The following FHIP1A variants were observed in gnomAD, a reference collection of about 807,000 sequenced individuals.
FHIP1A encodes FHF complex subunit HOOK-interacting protein 1A.
In FHIP1A, 61 loss-of-function variants were observed where a neutral mutation model predicts 88.6. That is an observed-to-expected ratio of 0.69 (90% CI 0.56 to 0.85). FHIP1A has a LOEUF of 0.85. FHIP1A is among the 40% of genes least tolerant of loss of function. The pLI is 0.00. For missense variants in FHIP1A, 1,154 were observed against 1,273.5 expected (o/e 0.91, Z 1.43); for synonymous variants, 478 against 496.0 (o/e 0.96, Z 0.48).
chr4:151,630,721 G>A (rs1451866225), intron 8 of FHIP1A, among the ~76,000 whole-genome samples: 3 of 152,168 alleles, frequency 2.0e-5, no homozygotes, highest in Non-Finnish European at 2.9e-5. Context: ...CTCCTCAAAT[G>A]TACATGGAAT....
chr4:151,532,285 A>G (rs771889928), intron 3 of FHIP1A, among the ~76,000 whole-genome samples: 5 of 152,278 alleles, frequency 3.3e-5, no homozygotes, highest in African/African-American at 4.8e-5. Context: ...TTTCTAATCT[A>G]CTTTCATTTG....
chr4:151,596,967 A>T (rs1734671597), intron 7 of FHIP1A, among the ~76,000 whole-genome samples: 1 of 152,106 alleles, frequency 6.6e-6, no homozygotes, highest in South Asian at 2.1e-4. Context: ...ATTGGGTTAA[A>T]ACATGCTTCT....
chr4:151,488,386 T>C (rs1316687655), intron 3 of FHIP1A, among the ~76,000 whole-genome samples: 1 of 152,198 alleles, frequency 6.6e-6, no homozygotes, highest in Non-Finnish European at 1.5e-5. Flanking sequence ...TGAGAACATG[T>C]GGCATTTGGT....
At chr4:151,565,437 T>C (rs939522033) in intron 3 of FHIP1A, among the ~76,000 whole-genome samples, 11 of 152,196 alleles carry the variant, frequency 7.2e-5, no homozygotes, top group African/African-American at 2.7e-4. Flanking sequence ...CACTATCTTG[T>C]TTTTGATGGA....
rs544305498 is a variant in FHIP1A at position 151,479,074 on chromosome 4, G to A, written c.-247-3450G>A. On this transcript the variant is annotated intron_variant, in intron 2 of 13. Coordinates refer to ENST00000435205, the MANE Select transcript of FHIP1A (RefSeq NM_001109977.3). ...CTCAGGGATTGATTGAACAGAAATT[G>A]AAGATTGAAGCTTCATTTGGTTCAA... 1.4e-3 allele frequency among the ~76,000 whole-genome samples: 206 copies of A among 152,204 alleles called. 1 individual carries two copies. The highest frequency in any genetic ancestry group is 4.6e-3 in the African/African-American group (191 of 41,574).
chr4:151,604,848 C>CAA (rs555843721), intron 7 of FHIP1A, among the ~76,000 whole-genome samples: 4 of 127,948 alleles, frequency 3.1e-5, no homozygotes, highest in African/African-American at 8.6e-5. Context: ...GACTCCATCT[C>CAA]AAAAAAAAAA....
chr4:151,665,270 T>C lies in FHIP1A; in HGVS notation c.*2516T>C, dbSNP rs12054502. On this transcript the variant is annotated 3_prime_UTR_variant, in exon 14 of 14. Coordinates refer to ENST00000435205, the MANE Select transcript of FHIP1A (RefSeq NM_001109977.3). ...GGGATTACAGGTGTGAGCCACTGGG[T>C]CCAGCCTGAAGTAGACTTACTTTAA... Among the ~76,000 whole-genome samples, 24,681 of 152,180 alleles carry C rather than the reference T, an allele frequency of 0.16. 2,579 individuals carry two copies. Among genetic ancestry groups the C allele is most frequent in the African/African-American group, 0.3 (12,630 of 41,480 alleles).
chr4:151,585,033 G>A (rs759508339), intron 5 of FHIP1A, among the ~76,000 whole-genome samples: 18 of 152,022 alleles, frequency 1.2e-4, no homozygotes, highest in Admixed American at 7.9e-4. Context: ...TTAATTGCCC[G>A]TTAATCTCTC....
At chr4:151,412,602 T>C (rs555206891) in intron 1 of FHIP1A, among the ~76,000 whole-genome samples, 1,551 of 139,586 alleles carry the variant, frequency 0.011, 32 homozygotes, top group African/African-American at 0.041. Flanking sequence ...CTTCCTTCCT[T>C]CCTTCCTTCC....
chr4:151,464,898 C>T (rs1729257005), intron 2 of FHIP1A, among the ~76,000 whole-genome samples: 1 of 152,006 alleles, frequency 6.6e-6, no homozygotes, highest in Non-Finnish European at 1.5e-5. Flanking sequence ...AGGCATCTTC[C>T]AAAACTTGTT....
intron 3 of FHIP1A, among the ~76,000 whole-genome samples, chr4:151,548,787 T>C (rs549109701): frequency 1.4e-4 from 21 of 152,318 alleles, no homozygotes; most frequent in Admixed American, 1.1e-3. Flanking sequence ...CCAGGCGTGG[T>C]GGCACACGCC....
At chr4:151,422,224 A>AT (rs1554076377) in intron 1 of FHIP1A, among the ~76,000 whole-genome samples, 4,735 of 150,218 alleles carry the variant, frequency 0.032, 249 homozygotes, top group African/African-American at 0.11. Flanking sequence ...ACATTAAAAA[A>AT]ATATATATAT....
At chr4:151,425,663 C>T (rs943344614) in intron 1 of FHIP1A, among the ~76,000 whole-genome samples, 4 of 152,222 alleles carry the variant, frequency 2.6e-5, no homozygotes, top group Middle Eastern at 3.4e-3. Flanking sequence ...TTTATTCTGT[C>T]ATAGTTTTGG....
At chr4:151,416,660 C>T (rs1011030414) in intron 1 of FHIP1A, among the ~76,000 whole-genome samples, 1 of 151,966 alleles carries the variant, frequency 6.6e-6, no homozygotes, top group Non-Finnish European at 1.5e-5. Context: ...AAAAATGTTT[C>T]TTGATTTTCT....
intron 6 of FHIP1A, 117 bp downstream of exon 6, chr4:151,586,916 T>A (rs1325528510): frequency 2.4e-6 from 2 of 825,526 alleles, no homozygotes; most frequent in Non-Finnish European, 3.5e-6. Flanking sequence ...TTATGGAATA[T>A]TGGTGCTTTA....
At chr4:151,445,197 A>G (rs532914959) in intron 1 of FHIP1A, among the ~76,000 whole-genome samples, 8 of 152,318 alleles carry the variant, frequency 5.3e-5, no homozygotes, top group Middle Eastern at 3.4e-3. Context: ...TACAAAGTAT[A>G]TATTAAAGGA....
chr4:151,517,368 G>T (rs1030394771), intron 3 of FHIP1A, among the ~76,000 whole-genome samples: 1 of 151,964 alleles, frequency 6.6e-6, no homozygotes, highest in Non-Finnish European at 1.5e-5. Flanking sequence ...GAGTTAATGG[G>T]TGCAGCACAC....
intron 3 of FHIP1A, among the ~76,000 whole-genome samples, chr4:151,536,911 G>T (rs1054018621): frequency 6.6e-6 from 1 of 151,904 alleles, no homozygotes; most frequent in African/African-American, 2.4e-5. Context: ...GTCTTACTCC[G>T]TTGCCCAGGC....
intron 3 of FHIP1A, among the ~76,000 whole-genome samples, chr4:151,536,911 G>A (rs1054018621): frequency 9.9e-5 from 15 of 152,022 alleles, no homozygotes; most frequent in South Asian, 4.2e-4. Context: ...GTCTTACTCC[G>A]TTGCCCAGGC....
Sources: gnomAD v4.1 joint callset for allele counts (sites outside exome capture counted in the v4.1 genomes callset) on GRCh38, gnomAD v4.1.1 for gene constraint, MANE v1.5 for transcripts, NCBI Gene and HGNC (gene_info 2026-07-23, HGNC 2026-07-21) for gene names.